The following DIAPH2 variants were observed in gnomAD, a reference collection of about 807,000 sequenced individuals.
DIAPH2 encodes protein diaphanous homolog 2.
A neutral mutation model predicts 92.7 loss-of-function variants in DIAPH2; 35 were observed. That is an observed-to-expected ratio of 0.38 (90% CI 0.29 to 0.50). The LOEUF is 0.50. DIAPH2 is among the 20% of genes least tolerant of loss of function. The pLI is 0.94. For missense variants in DIAPH2, 701 were observed against 819.5 expected, an observed-to-expected ratio of 0.86 and a Z score of 1.77; for synonymous variants, 301 against 280.4, an observed-to-expected ratio of 1.07 and a Z score of -0.73.
chrX:96,829,274 C>CT (rs1310297057), intron 4 of DIAPH2, among the ~76,000 whole-genome samples: 1 of 110,678 alleles, frequency 9.0e-6, no homozygotes, highest in Non-Finnish European at 1.9e-5. Context: ...ATTTTTTAGG[C>CT]TTTTTTCCCC....
intron 4 of DIAPH2, among the ~76,000 whole-genome samples, chrX:96,768,402 C>T (rs1427428516): frequency 8.9e-6 from 1 of 111,874 alleles, no homozygotes; most frequent in African/African-American, 3.3e-5. Flanking sequence ...GACTCAGTTT[C>T]ATTCCTTTCT....
chrX:96,732,500 T>C (rs1470732170), intron 1 of DIAPH2, among the ~76,000 whole-genome samples: 2 of 112,045 alleles, frequency 1.8e-5, no homozygotes, highest in Non-Finnish European at 3.8e-5. Flanking sequence ...TGAGAAAATA[T>C]TCGTATTAAA....
intron 5 of DIAPH2, among the ~76,000 whole-genome samples, chrX:96,894,787 T>C (rs1187853907): frequency 9.0e-6 from 1 of 110,863 alleles, no homozygotes; most frequent in Admixed American, 9.7e-5. Context: ...TTGCAAATTA[T>C]AATGATTTAT....
intron 26 of DIAPH2, among the ~76,000 whole-genome samples, chrX:97,539,850 C>T (rs749359142): frequency 2.7e-5 from 3 of 111,353 alleles, no homozygotes; most frequent in African/African-American, 9.8e-5. Context: ...AAACAAACCA[C>T]AAAAAAATAC....
chrX:96,948,427 G>A (rs2065751711), intron 14 of DIAPH2, among the ~76,000 whole-genome samples: 1 of 110,354 alleles, frequency 9.1e-6, no homozygotes, highest in South Asian at 3.9e-4. Context: ...ACAAAAATTA[G>A]CCAGGTGTGG....
intron 17 of DIAPH2, among the ~76,000 whole-genome samples, chrX:97,014,960 C>G (rs963798453): frequency 8.9e-6 from 1 of 111,787 alleles, no homozygotes; most frequent in African/African-American, 3.2e-5. Flanking sequence ...AGAGTTAAAA[C>G]ATGTGTATCG....
At chrX:97,244,543 T>C (rs2068123608) in intron 22 of DIAPH2, among the ~76,000 whole-genome samples, 1 of 112,026 alleles carries the variant, frequency 8.9e-6, no homozygotes, top group African/African-American at 3.2e-5. Context: ...TGCAGATTTA[T>C]TTAGGTTTTA....
At chrX:97,301,005 T>G (rs35380757) in intron 23 of DIAPH2, among the ~76,000 whole-genome samples, 1 of 69,174 alleles carries the variant, frequency 1.4e-5, no homozygotes, top group African/African-American at 5.3e-5. Flanking sequence ...ATAACAATTG[T>G]GAAAATTTAA....
chrX:97,527,763 G>C lies in DIAPH2; in HGVS notation c.3242-71490G>C, dbSNP rs2071033751. ...GGAAAAACAGGTTTAATTATAAGAGGATGAAAAAGTAGATGGAGACTGTGT... is the reference window on the plus strand; with the variant it reads ...GGAAAAACAGGTTTAATTATAAGAGCATGAAAAAGTAGATGGAGACTGTGT... On this transcript the variant is annotated intron_variant, in intron 26 of 26. Coordinates refer to ENST00000324765, the MANE Select transcript of DIAPH2 (RefSeq NM_006729.5). Among the ~76,000 whole-genome samples the C allele has an allele frequency of 2.7e-5, 3 of 112,108 alleles. No individual in the cohort carries two copies. In the Admixed American group the frequency reaches 2.8e-4, roughly 11 times the overall value.
intron 26 of DIAPH2, among the ~76,000 whole-genome samples, chrX:97,557,016 G>A (rs1176538990): frequency 8.9e-6 from 1 of 111,746 alleles, no homozygotes; most frequent in African/African-American, 3.3e-5. Flanking sequence ...AAAGGATATT[G>A]GAGTTCATCG....
At chrX:97,523,003 T>C (rs1264950965) in intron 26 of DIAPH2, among the ~76,000 whole-genome samples, 1 of 112,129 alleles carries the variant, frequency 8.9e-6, no homozygotes, top group Non-Finnish European at 1.9e-5. Flanking sequence ...ATCCAAGGTG[T>C]TGCTATTTCC....
At chrX:96,936,337 C>T (rs1263752981) in intron 10 of DIAPH2, among the ~76,000 whole-genome samples, 1 of 111,266 alleles carries the variant, frequency 9.0e-6, no homozygotes, top group African/African-American at 3.3e-5. Context: ...TTTTATCGAC[C>T]TAATTTGAAG....
intron 8 of DIAPH2, 139 bp downstream of exon 8, chrX:96,916,713 T>A: frequency 1.5e-6 from 1 of 650,440 alleles, no homozygotes; most frequent in Non-Finnish European, 2.2e-6. Flanking sequence ...AATTTTTATC[T>A]TGCCTGTTTA....
At chrX:96,692,179 A>G (rs2063801306) in intron 1 of DIAPH2, among the ~76,000 whole-genome samples, 1 of 111,888 alleles carries the variant, frequency 8.9e-6, no homozygotes, top group African/African-American at 3.2e-5. Flanking sequence ...ATGAACCACC[A>G]CCATCTATCC....
At chrX:97,064,350 C>G (rs779790576) in intron 17 of DIAPH2, among the ~76,000 whole-genome samples, 1 of 110,891 alleles carries the variant, frequency 9.0e-6, no homozygotes, top group East Asian at 2.8e-4. Context: ...TTGCCTATGC[C>G]TTCTGTGAGC....
At chrX:97,046,168 GT>G (rs375310069) in intron 17 of DIAPH2, among the ~76,000 whole-genome samples, 336 of 100,621 alleles carry the variant, frequency 3.3e-3, no homozygotes, top group Non-Finnish European at 4.7e-3. Flanking sequence ...ATTTTATGTG[GT>G]TTTTTTTTTT....
chrX:97,015,777 G>A (rs2066255788), intron 17 of DIAPH2, among the ~76,000 whole-genome samples: 1 of 86,424 alleles, frequency 1.2e-5, no homozygotes, highest in Non-Finnish European at 2.1e-5. Context: ...GACAGAGCGA[G>A]ACGCCATCTG....
chrX:97,053,339 A>T (rs113724656), intron 17 of DIAPH2, among the ~76,000 whole-genome samples: 5,365 of 111,240 alleles, frequency 0.048, 139 homozygotes, highest in Non-Finnish European at 0.078. Context: ...TACGTTTTAA[A>T]TTATTTTTTT....
Position 97,141,748 on chromosome X carries a change from C to A in DIAPH2, c.2673C>A (p.Ile891=). ...ADICEEKYRD[I]LKFPEELEHV... is the part of the protein sequence containing the mutation. ...TTTGTGAGGAAAAATATCGAGATAT[C>A]CTAAAATTTCCTGAAGAACTGGAAC... is the stretch of plus-strand genomic sequence containing the variant. The change falls in exon 22 of 27, where the codon ATC becomes ATA. Residue 891 remains isoleucine, a synonymous_variant. Transcript: ENST00000324765. The A allele has an allele frequency of 8.3e-7, 1 of 1,204,040 alleles. No homozygotes were observed. Among genetic ancestry groups the A allele is most frequent in the Non-Finnish European group, 1.1e-6 (1 of 892,711 alleles).
Sources: gnomAD v4.1 joint callset for allele counts (sites outside exome capture counted in the v4.1 genomes callset) on GRCh38, gnomAD v4.1.1 for gene constraint, MANE v1.5 for transcripts, NCBI Gene and HGNC (gene_info 2026-07-23, HGNC 2026-07-21) for gene names.